The following TMPRSS15 variants were observed in gnomAD, a reference collection of about 807,000 sequenced individuals.
The protein encoded by TMPRSS15 is enteropeptidase.
TMPRSS15 carries 128 observed loss-of-function variants against 125.3 expected under a neutral mutation model. The ratio of observed to expected loss-of-function variants is 1.02; its 90% CI spans 0.89 to 1.18. TMPRSS15 has a LOEUF of 1.18. TMPRSS15 is among the 50% of genes most tolerant of loss of function. The pLI is 0.00. For synonymous variants in TMPRSS15, 446 were observed against 423.2 expected (o/e 1.05, Z -0.66); for missense variants, 1,283 against 1,212.7 (o/e 1.06, Z -0.86).
chr21:18,410,188 G>A (rs992492070), intron 1 of TMPRSS15, among the ~76,000 whole-genome samples: 2 of 149,946 alleles, frequency 1.3e-5, no homozygotes, highest in African/African-American at 4.9e-5. Context: ...ACATGAGGCT[G>A]TATACAGCCT....
chr21:18,328,408 G>A (rs747947045), intron 15 of TMPRSS15, among the ~76,000 whole-genome samples: 1 of 152,136 alleles, frequency 6.6e-6, no homozygotes, highest in Non-Finnish European at 1.5e-5. Context: ...TGAATAGTTT[G>A]AAGTAAAATA....
In TMPRSS15 at chr21:18,380,675, G is replaced by T. The variant is rs1033817357; in HGVS notation, c.497-1357C>A. 4 of 430,514 alleles carry T rather than the reference G, an allele frequency of 9.3e-6. No homozygotes were observed. The Admixed American group carries it at 1.0e-4, about 11-fold the overall frequency. The allele number at this position is 430,514 out of a possible 1,614,324, so 26.7% of individuals were successfully genotyped here. A position where few individuals can be genotyped will look rare whatever the true frequency, so the allele number is the denominator to read the frequency against. The stretch of plus-strand genomic sequence containing the variant: ...TACACCTTGAATATTCATTCAAAGG[G>T]CATCTGATCCTTTGGAGTTCCTATT... On this transcript the variant is annotated intron_variant, in intron 4 of 24. Transcript: ENST00000284885.
chr21:18,279,197 A>G, intron 22 of TMPRSS15, 138 bp from the exon 23 acceptor site: 1 of 605,790 alleles, frequency 1.7e-6, no homozygotes, highest in Non-Finnish European at 3.0e-6. Flanking sequence ...CCTACCTGTA[A>G]AAATTTTAGA....
intron 1 of TMPRSS15, among the ~76,000 whole-genome samples, chr21:18,439,635 C>T (rs1421998353): frequency 6.6e-6 from 1 of 151,974 alleles, no homozygotes; most frequent in African/African-American, 2.4e-5. Context: ...TATCTCTTGA[C>T]ACTAGACAGT....
At chr21:18,484,511 C>T (rs1342570397) in intron 1 of TMPRSS15, among the ~76,000 whole-genome samples, 1 of 151,610 alleles carries the variant, frequency 6.6e-6, no homozygotes, top group Non-Finnish European at 1.5e-5. Context: ...TTGATCTTTT[C>T]CTTCTCTCTA....
At chr21:18,443,165 G>A (rs1203584734) in intron 1 of TMPRSS15, among the ~76,000 whole-genome samples, 1 of 152,124 alleles carries the variant, frequency 6.6e-6, no homozygotes. Context: ...CGGCAGGGAA[G>A]CTACGAAAAG....
intron 21 of TMPRSS15, among the ~76,000 whole-genome samples, chr21:18,287,607 A>G (rs1319392094): frequency 6.6e-6 from 1 of 152,212 alleles, no homozygotes; most frequent in Non-Finnish European, 1.5e-5. Context: ...ACTAATAATT[A>G]TAATGAGATA....
intron 16 of TMPRSS15, among the ~76,000 whole-genome samples, chr21:18,319,689 A>G (rs1242877505): frequency 6.6e-6 from 1 of 152,188 alleles, no homozygotes; most frequent in Non-Finnish European, 1.5e-5. Flanking sequence ...TCGGCCTCCC[A>G]AAGTGCTGGG....
intron 21 of TMPRSS15, 52 bp from the exon 22 acceptor site, chr21:18,281,273 T>C (rs2074695610): frequency 2.1e-6 from 3 of 1,462,504 alleles, no homozygotes; most frequent in South Asian, 1.1e-5. Context: ...AAGCAGTTCC[T>C]TTCTAGAAGA....
Position 18,343,155 on chromosome 21 carries a change from T to G in TMPRSS15, c.1428+351A>C, listed in dbSNP as rs190284434. 3.3e-5 allele frequency among the ~76,000 whole-genome samples: 5 copies of G among 152,252 alleles called. No homozygotes were observed. The East Asian group carries it at 7.7e-4, about 24-fold the overall frequency. ...GGGCAGGGTTGACCTAGGTGGTATTTGTGAAAAGCTGAAAATTGTAGGTAG... is the reference window on the plus strand; with the variant it reads ...GGGCAGGGTTGACCTAGGTGGTATTGGTGAAAAGCTGAAAATTGTAGGTAG... On this transcript the variant is annotated intron_variant, in intron 12 of 24. Transcript: ENST00000284885.
chr21:18,429,153 C>A (rs2076210930), intron 1 of TMPRSS15, among the ~76,000 whole-genome samples: 1 of 152,136 alleles, frequency 6.6e-6, no homozygotes, highest in African/African-American at 2.4e-5. Context: ...GCCCCCTAAC[C>A]ACTTTGTTTT....
chr21:18,318,064 T>C (rs1041683138), intron 16 of TMPRSS15, among the ~76,000 whole-genome samples: 3 of 152,112 alleles, frequency 2.0e-5, no homozygotes, highest in East Asian at 1.9e-4. Context: ...TTCCTGAAGT[T>C]TGTGGGCAGA....
chr21:18,365,973 G>T (rs2075733604), intron 6 of TMPRSS15, among the ~76,000 whole-genome samples: 1 of 151,956 alleles, frequency 6.6e-6, no homozygotes, highest in East Asian at 1.9e-4. Context: ...GACCATAGGT[G>T]ATCTGCACTC....
At chr21:18,457,694 T>C (rs1180662455) in intron 1 of TMPRSS15, among the ~76,000 whole-genome samples, 1 of 152,140 alleles carries the variant, frequency 6.6e-6, no homozygotes, top group Non-Finnish European at 1.5e-5. Context: ...CCACTTCTAA[T>C]AGGAAGTCCT....
At chr21:18,369,974 G>GA (rs67549160) in intron 6 of TMPRSS15, among the ~76,000 whole-genome samples, 3 of 141,984 alleles carry the variant, frequency 2.1e-5, no homozygotes, top group African/African-American at 7.7e-5. Context: ...TTACTTAAAC[G>GA]AAAAAAAAAA....
At chr21:18,274,820 T>C (rs1157955720) in intron 24 of TMPRSS15, among the ~76,000 whole-genome samples, 2 of 152,102 alleles carry the variant, frequency 1.3e-5, no homozygotes. Flanking sequence ...GCCCTGTTTT[T>C]GTTTGTTTGT....
Position 18,292,981 on chromosome 21 carries a change from G to C in TMPRSS15, c.2486+1289C>G, listed in dbSNP as rs78188784. Among the ~76,000 whole-genome samples the C allele has an allele frequency of 3.3e-5, 5 of 152,324 alleles. No homozygotes were observed. In the East Asian group the frequency reaches 9.6e-4, roughly 29 times the overall value. ...ATGTAACACTCAATGGATAGAATCAGAGAGAGCTTTAGATGTAGATGGGAT... is the reference window on the plus strand; with the variant it reads ...ATGTAACACTCAATGGATAGAATCACAGAGAGCTTTAGATGTAGATGGGAT... On this transcript the variant is annotated intron_variant, in intron 21 of 24. Coordinates refer to ENST00000284885, the MANE Select transcript of TMPRSS15 (RefSeq NM_002772.3).
At chr21:18,328,192 T>TATAATA (rs2075311599) in intron 15 of TMPRSS15, among the ~76,000 whole-genome samples, 1 of 152,138 alleles carries the variant, frequency 6.6e-6, no homozygotes, top group African/African-American at 2.4e-5. Context: ...TAGTACACTC[T>TATAATA]GTAATAGCAC....
chr21:18,312,574 C>G (rs1326885964), intron 18 of TMPRSS15, among the ~76,000 whole-genome samples: 1 of 151,354 alleles, frequency 6.6e-6, no homozygotes, highest in Admixed American at 6.6e-5. Flanking sequence ...ATAGCAAAAG[C>G]ATATTCTCTG....
Sources: allele counts gnomAD v4.1 joint callset (sites outside exome capture counted in the v4.1 genomes callset), GRCh38; gene constraint gnomAD v4.1.1; transcripts MANE v1.5; gene names NCBI Gene and HGNC (gene_info 2026-07-23, HGNC 2026-07-21).